ADAMTSL1: variants seen among roughly 807,000 people sequenced by gnomAD.
ADAMTSL1 encodes ADAMTS like 1, also known as ADAMTS-like protein 1.
ADAMTSL1 carries 126 observed loss-of-function variants against 201.8 expected under a neutral mutation model. That is an observed-to-expected ratio of 0.62 (90% CI 0.54 to 0.72). The LOEUF (loss-of-function observed/expected upper bound fraction) is 0.72. ADAMTSL1 is among the 30% of genes least tolerant of loss of function. The pLI is 0.00. For missense variants in ADAMTSL1, 2,679 were observed against 2,277.8 expected (o/e 1.18, Z -3.59); for synonymous variants, 1,121 against 903.4 (o/e 1.24, Z -4.32).
At chr9:18,199,171 A>T (rs956806306) in intron 2 of ADAMTSL1, among the ~76,000 whole-genome samples, 5 of 151,746 alleles carry the variant, frequency 3.3e-5, no homozygotes, top group Non-Finnish European at 7.4e-5. Flanking sequence ...ATGACGAGTT[A>T]GTGGGTGCAG....
intron 25 of ADAMTSL1, chr9:18,890,837 C>G (rs1829211771): frequency 3.2e-6 from 1 of 314,488 alleles, no homozygotes; most frequent in Non-Finnish European, 6.3e-6. Context: ...ACTGCCCTTG[C>G]CAAGCTGTGC....
At chr9:18,339,464 G>C (rs1352833346) in intron 2 of ADAMTSL1, among the ~76,000 whole-genome samples, 8 of 152,140 alleles carry the variant, frequency 5.3e-5, no homozygotes. Flanking sequence ...ACAGATGGTG[G>C]TGAGGTTGTG....
At chr9:18,187,206 C>G (rs1336202868) in intron 2 of ADAMTSL1, among the ~76,000 whole-genome samples, 1 of 152,060 alleles carries the variant, frequency 6.6e-6, no homozygotes, top group Non-Finnish European at 1.5e-5. Context: ...CAGGGAAGCC[C>G]TTGTCATTAT....
chr9:18,578,393 G>A (rs1822876565), intron 4 of ADAMTSL1, among the ~76,000 whole-genome samples: 1 of 152,140 alleles, frequency 6.6e-6, no homozygotes, highest in South Asian at 2.1e-4. Context: ...CTCAGACTGA[G>A]AAACACTGGG....
chr9:18,531,531 G>C (rs1212975657), intron 2 of ADAMTSL1, among the ~76,000 whole-genome samples: 1 of 152,082 alleles, frequency 6.6e-6, no homozygotes, highest in Non-Finnish European at 1.5e-5. Flanking sequence ...TTAATGCATA[G>C]TAATAGTCAG....
intron 23 of ADAMTSL1, among the ~76,000 whole-genome samples, chr9:18,843,868 C>G (rs1825901589): frequency 6.6e-6 from 1 of 151,554 alleles, no homozygotes; most frequent in Non-Finnish European, 1.5e-5. Context: ...GTTCTTGAGC[C>G]TTGGCTTTCA....
intron 2 of ADAMTSL1, among the ~76,000 whole-genome samples, chr9:18,173,841 C>A (rs1055581009): frequency 2.6e-5 from 4 of 152,058 alleles, no homozygotes; most frequent in Non-Finnish European, 5.9e-5. Context: ...TTGTGAGGCC[C>A]TTCCGAAAGA....
chr9:17,919,331 G>A (rs146963700), intron 1 of ADAMTSL1, among the ~76,000 whole-genome samples: 2,181 of 151,098 alleles, frequency 0.014, 61 homozygotes, highest in African/African-American at 0.05. Flanking sequence ...AGTACATGTT[G>A]CTATTGAGGA....
chr9:18,618,457 G>A (rs1456692985), intron 4 of ADAMTSL1, among the ~76,000 whole-genome samples: 2 of 151,204 alleles, frequency 1.3e-5, no homozygotes, highest in East Asian at 3.9e-4. Flanking sequence ...GGTAGCCCAG[G>A]ATGTTGTGTG....
chr9:18,207,010 C>T (rs1829677486), intron 2 of ADAMTSL1, among the ~76,000 whole-genome samples: 1 of 151,854 alleles, frequency 6.6e-6, no homozygotes, highest in South Asian at 2.1e-4. Context: ...ACTAAAAATA[C>T]AAAAATTAGC....
intron 23 of ADAMTSL1, among the ~76,000 whole-genome samples, chr9:18,871,318 T>G (rs1209995161): frequency 6.6e-6 from 1 of 152,210 alleles, no homozygotes; most frequent in Non-Finnish European, 1.5e-5. Flanking sequence ...TCTTTAAAAT[T>G]TTTTGCTTTC....
chr9:18,704,414 T>C (rs1438476771), intron 13 of ADAMTSL1, among the ~76,000 whole-genome samples: 1 of 152,228 alleles, frequency 6.6e-6, no homozygotes, highest in East Asian at 1.9e-4. Flanking sequence ...GGTGCAGTTC[T>C]TTTTGAGATC....
chr9:18,192,239 A>C (rs528802288), intron 2 of ADAMTSL1, among the ~76,000 whole-genome samples: 1 of 152,274 alleles, frequency 6.6e-6, no homozygotes, highest in Admixed American at 6.5e-5. Flanking sequence ...TGAAAGATTT[A>C]TTTCCTAAGA....
intron 3 of ADAMTSL1, among the ~76,000 whole-genome samples, chr9:18,553,127 G>T (rs1213010177): frequency 6.7e-6 from 1 of 149,760 alleles, no homozygotes; most frequent in East Asian, 2.0e-4. Context: ...ACTTATTTCT[G>T]CCATCTTACT....
At chr9:18,622,198 A>T in intron 4 of ADAMTSL1, 45 bp from the exon 5 acceptor site, 1 of 1,599,770 alleles carries the variant, frequency 6.3e-7, no homozygotes, top group Non-Finnish European at 8.5e-7. Context: ...GGATTTTGCC[A>T]TCGGTAGGTG....
At chr9:18,294,754 A>G (rs1036444143) in intron 2 of ADAMTSL1, among the ~76,000 whole-genome samples, 3 of 152,192 alleles carry the variant, frequency 2.0e-5, no homozygotes, top group Non-Finnish European at 4.4e-5. Context: ...AGAATTTTTC[A>G]GAATAAAGTC....
intron 4 of ADAMTSL1, among the ~76,000 whole-genome samples, chr9:18,599,885 G>C (rs904978151): frequency 1.3e-5 from 2 of 150,746 alleles, no homozygotes; most frequent in African/African-American, 4.9e-5. Flanking sequence ...GGGCGCGGTG[G>C]CTCACGCCTG....
Position 18,574,172 on chromosome 9 carries a change from G to C in ADAMTSL1, c.380G>C (p.Gly127Ala), listed in dbSNP as rs751437306. The C allele has an allele frequency of 6.8e-6, 11 of 1,614,024 alleles. No individual in the cohort carries two copies. Among genetic ancestry groups the C allele is most frequent in the Non-Finnish European group, 7.6e-6 (9 of 1,180,026 alleles). ...TGTTCACTCAAGTGCCAAGCCAAAG[G>C]AACAACCCTGGTTGTTGAACTAGCA... Reference protein sequence around the residue: ...NPCSLKCQAKGTTLVVELAPK... With the variant: ...NPCSLKCQAKATTLVVELAPK... Residue 127 changes from glycine to alanine, a missense_variant, in exon 4 of 29, where the codon GGA becomes GCA. Gly to Ala is a moderately conservative substitution (Grantham distance 60). Transcript: ENST00000380548.
intron 2 of ADAMTSL1, among the ~76,000 whole-genome samples, chr9:18,279,097 C>G (rs992224171): frequency 6.6e-6 from 1 of 152,088 alleles, no homozygotes. Context: ...ACTTGTATAT[C>G]TGTGTTCTCC....
Sources: allele counts gnomAD v4.1 joint callset (sites outside exome capture counted in the v4.1 genomes callset), GRCh38; gene constraint gnomAD v4.1.1; transcripts MANE v1.5; gene names NCBI Gene and HGNC (gene_info 2026-07-23, HGNC 2026-07-21).